The following LEPR variants were observed in gnomAD, a reference collection of about 807,000 sequenced individuals.
The protein encoded by LEPR is OB receptor.
LEPR carries 56 observed loss-of-function variants against 114.7 expected under a neutral mutation model. That is an observed-to-expected ratio of 0.49 (90% CI 0.39 to 0.61). The LOEUF (loss-of-function observed/expected upper bound fraction) is 0.61, where lower values mean the gene tolerates loss of function less well. Among genes scored for constraint, LEPR ranks in the 20% least tolerant of loss-of-function variants. LEPR has a pLI of 0.00. For missense variants in LEPR, 1,202 were observed against 1,352.9 expected, an observed-to-expected ratio of 0.89 and a Z score of 1.75; for synonymous variants, 443 against 461.4, an observed-to-expected ratio of 0.96 and a Z score of 0.51.
intron 2 of LEPR, among the ~76,000 whole-genome samples, chr1:65,497,198 G>C (rs910990880): frequency 5.9e-5 from 9 of 152,082 alleles, no homozygotes; most frequent in Non-Finnish European, 1.2e-4. Context: ...TCATGCAAAA[G>C]GTAGTTGAAT....
rs1435990802 is a variant in LEPR, at chr1:65,421,427, G to A, written c.-97+687G>A. 2.0e-6 allele frequency: 3 copies of A among 1,536,106 alleles called. No homozygotes were observed. In the East Asian group the frequency reaches 7.3e-5, roughly 38 times the overall value. ...TATGGCTTCAGAGCAATGCGAGACG[G>A]AAAAGGTTTTTTGCAAGGCTTCCTG... On this transcript the variant is annotated intron_variant, in intron 1 of 19. Coordinates refer to ENST00000349533, the MANE Select transcript of LEPR (RefSeq NM_002303.6).
intron 2 of LEPR, among the ~76,000 whole-genome samples, chr1:65,456,072 T>C (rs1218108991): frequency 1.3e-5 from 2 of 152,152 alleles, no homozygotes; most frequent in Non-Finnish European, 2.9e-5. Flanking sequence ...CCCCTTTCTT[T>C]GACTAGGAAA....
chr1:65,471,238 T>A (rs1212696019), intron 2 of LEPR, among the ~76,000 whole-genome samples: 1 of 152,232 alleles, frequency 6.6e-6, no homozygotes, highest in Non-Finnish European at 1.5e-5. Context: ...GCTTATTGAA[T>A]GCCTTCTCTG....
At chr1:65,423,332 C>T (rs1247151858) in intron 1 of LEPR, among the ~76,000 whole-genome samples, 1 of 151,636 alleles carries the variant, frequency 6.6e-6, no homozygotes, top group Non-Finnish European at 1.5e-5. Context: ...TGGTCAACTC[C>T]AACTTTAAGA....
intron 2 of LEPR, among the ~76,000 whole-genome samples, chr1:65,453,162 T>C (rs1415761412): frequency 6.6e-6 from 1 of 152,236 alleles, no homozygotes; most frequent in East Asian, 1.9e-4. Context: ...TATTAGATTC[T>C]TCTCTCTTTT....
At chr1:65,564,168 A>G (rs1301411983) in intron 2 of LEPR, among the ~76,000 whole-genome samples, 1 of 150,020 alleles carries the variant, frequency 6.7e-6, no homozygotes, top group Non-Finnish European at 1.5e-5. Context: ...GCCGCCTTGC[A>G]GTTTGATCTC....
In LEPR at chr1:65,591,520, T is replaced by A. The variant is rs80139988; in HGVS notation, c.495-1137T>A. Among the ~76,000 whole-genome samples the A allele has an allele frequency of 1.3e-3, 202 of 152,214 alleles. 4 individuals carry two copies. In the East Asian group the frequency reaches 0.037, roughly 28 times the overall value. On this transcript the variant is annotated intron_variant, in intron 5 of 19. Coordinates refer to ENST00000349533, the MANE Select transcript of LEPR (RefSeq NM_002303.6). The stretch of plus-strand genomic sequence containing the variant: ...GAAACTCTGTTATTGGGTTCATAAA[T>A]GTTTTGGATTGTTATGTTCTCTTGG...
intron 2 of LEPR, among the ~76,000 whole-genome samples, chr1:65,456,630 T>A (rs2100355495): frequency 6.6e-6 from 1 of 152,340 alleles, no homozygotes; most frequent in South Asian, 2.1e-4. Flanking sequence ...ATAGAGGTAC[T>A]CTTGTTTTCT....
chr1:65,516,669 A>G (rs1649303216), intron 2 of LEPR, among the ~76,000 whole-genome samples: 1 of 152,212 alleles, frequency 6.6e-6, no homozygotes, highest in African/African-American at 2.4e-5. Flanking sequence ...TTAATTAAAC[A>G]GTTATATTGT....
At chr1:65,594,398 G>A (rs1655908914) in intron 6 of LEPR, among the ~76,000 whole-genome samples, 1 of 152,064 alleles carries the variant, frequency 6.6e-6, no homozygotes, top group Non-Finnish European at 1.5e-5. Flanking sequence ...GGGTGGAGAA[G>A]TAAAGAACTG....
chr1:65,429,901 C>A, intron 2 of LEPR: 1 of 1,523,894 alleles, frequency 6.6e-7, no homozygotes, highest in Admixed American at 1.8e-5. Context: ...TCCACGCCAT[C>A]TCCCCCATCC....
At chr1:65,528,529 A>G (rs1173090357) in intron 2 of LEPR, among the ~76,000 whole-genome samples, 2 of 152,088 alleles carry the variant, frequency 1.3e-5, no homozygotes, top group African/African-American at 4.8e-5. Flanking sequence ...ATCATCACAC[A>G]TAATCTTATT....
chr1:65,545,268 C>T (rs1308772118), intron 2 of LEPR, among the ~76,000 whole-genome samples: 14 of 150,860 alleles, frequency 9.3e-5, no homozygotes, highest in African/African-American at 2.2e-4. Flanking sequence ...AATAAACATA[C>T]GTGTGCATGT....
chr1:65,454,787 C>A (rs1646843946), intron 2 of LEPR, among the ~76,000 whole-genome samples: 1 of 152,102 alleles, frequency 6.6e-6, no homozygotes. Flanking sequence ...CGAGGAGTAT[C>A]TTTGTGGCGT....
chr1:65,430,667 GA>G (rs1350252680), intron 2 of LEPR, among the ~76,000 whole-genome samples: 1 of 151,752 alleles, frequency 6.6e-6, no homozygotes, highest in Non-Finnish European at 1.5e-5. Flanking sequence ...TTGAGGCATT[GA>G]ATATCAGATA....
intron 2 of LEPR, among the ~76,000 whole-genome samples, chr1:65,462,120 T>G (rs1646953637): frequency 6.6e-6 from 1 of 152,190 alleles, no homozygotes; most frequent in African/African-American, 2.4e-5. Flanking sequence ...TAGGCATTAC[T>G]AATTAGGGTT....
At chr1:65,509,591 G>A (rs1237807705) in intron 2 of LEPR, among the ~76,000 whole-genome samples, 1 of 152,036 alleles carries the variant, frequency 6.6e-6, no homozygotes, top group African/African-American at 2.4e-5. Context: ...AAGAAACAGG[G>A]CGTATGTTTA....
chr1:65,553,349 C>T (rs1456355774), intron 2 of LEPR, among the ~76,000 whole-genome samples: 2 of 152,152 alleles, frequency 1.3e-5, no homozygotes, highest in Admixed American at 6.5e-5. Context: ...CTTTCAGGTA[C>T]ACCAATCAAA....
At chr1:65,623,011 A>G (rs1318837367) in intron 19 of LEPR, 30 bp downstream of exon 19, 8 of 1,605,324 alleles carry the variant, frequency 5.0e-6, no homozygotes, top group African/African-American at 2.7e-5. Flanking sequence ...TTAACCCAGA[A>G]TATATACGAT....
Sources: gnomAD v4.1 joint callset for allele counts (sites outside exome capture counted in the v4.1 genomes callset) on GRCh38, gnomAD v4.1.1 for gene constraint, MANE v1.5 for transcripts, NCBI Gene and HGNC (gene_info 2026-07-23, HGNC 2026-07-21) for gene names.